The following DYSF variants were observed in gnomAD, a reference collection of about 807,000 sequenced individuals.
DYSF encodes the protein dysferlin, also known as dystrophy-associated fer-1-like 1.
DYSF carries 212 observed loss-of-function variants against 274.9 expected under a neutral mutation model. The observed-to-expected ratio is 0.77, with a 90% CI of 0.69 to 0.86. DYSF has a LOEUF of 0.86. Ranked by LOEUF, DYSF falls within the 40% of genes least tolerant of loss-of-function variation. DYSF has a pLI of 0.00. For synonymous variants in DYSF, 1,091 were observed against 1,078.7 expected (o/e 1.01, Z -0.22); for missense variants, 2,666 against 2,783.2 (o/e 0.96, Z 0.95).
chr2:71,510,407 G>C (rs1166300324), intron 4 of DYSF, among the ~76,000 whole-genome samples: 2 of 152,196 alleles, frequency 1.3e-5, no homozygotes, highest in African/African-American at 4.8e-5. Context: ...ACCTGGTGGT[G>C]ATTCAGGAAC....
At chr2:71,546,255 C>T (rs1173211909) in intron 17 of DYSF, among the ~76,000 whole-genome samples, 1 of 152,256 alleles carries the variant, frequency 6.6e-6, no homozygotes, top group Non-Finnish European at 1.5e-5. Context: ...GTTGTTTCTC[C>T]ACGTTGTGGG....
At chr2:71,665,799 A>G (rs773178700) in intron 47 of DYSF, among the ~76,000 whole-genome samples, 1 of 152,198 alleles carries the variant, frequency 6.6e-6, no homozygotes, top group Non-Finnish European at 1.5e-5. Context: ...CAGGCCTTGT[A>G]GTGCCCCCAG....
chr2:71,510,265 C>G (rs1011210729), intron 4 of DYSF, among the ~76,000 whole-genome samples: 1 of 152,196 alleles, frequency 6.6e-6, no homozygotes, highest in Non-Finnish European at 1.5e-5. Flanking sequence ...TGCAAATACC[C>G]AGGCCCACCC....
At chr2:71,456,137 T>G (rs1186787920) in intron 1 of DYSF, among the ~76,000 whole-genome samples, 1 of 151,844 alleles carries the variant, frequency 6.6e-6, no homozygotes, top group Non-Finnish European at 1.5e-5. Flanking sequence ...GCTTTTTGCC[T>G]GCTGCCTGGC....
chr2:71,563,864 T>TCACCGCCACTC (rs1427038270), intron 23 of DYSF, among the ~76,000 whole-genome samples, 194 bp from the exon 24 acceptor site: 2 of 152,180 alleles, frequency 1.3e-5, no homozygotes, highest in Non-Finnish European at 2.9e-5. Flanking sequence ...CTCTGGGGGC[T>TCACCGCCACTC]CACCGCCACT....
At chr2:71,466,598 C>A (rs2081548410), upstream of DYSF, 4 of 1,214,316 alleles carry the variant, frequency 3.3e-6, no homozygotes, top group Non-Finnish European at 4.1e-6. Context: ...TGTCCCTCCC[C>A]GCCCGCCGCG....
In DYSF at chr2:71,489,411, G is replaced by A. The variant is rs2083626802; in HGVS notation, c.239+7441G>A. ...GACTCTGCTTAGAAAAGAGAGAAGT[G>A]TTAATGGTAGGTGTCCAGCCACTGC... On this transcript the variant is annotated intron_variant, in intron 3 of 55. Coordinates refer to ENST00000410020, the MANE Select transcript of DYSF (RefSeq NM_001130987.2). 7.2e-5 allele frequency among the ~76,000 whole-genome samples: 11 copies of A among 152,362 alleles called. No homozygotes were observed. In the South Asian group the frequency reaches 2.3e-3, roughly 32 times the overall value.
chr2:71,480,941 A>T lies in DYSF; in HGVS notation c.147+3A>T. ...GCGTGAACCCTGTATGGAATGAGGTATGTGAGTTTTTCTCCTTCCTTTTCT... is the reference window on the plus strand; with the variant it reads ...GCGTGAACCCTGTATGGAATGAGGTTTGTGAGTTTTTCTCCTTCCTTTTCT... On this transcript the variant is annotated splice_donor_region_variant and intron_variant, in intron 2 of 55. Transcript: ENST00000410020. 6.2e-7 allele frequency: 1 copy of T among 1,613,926 alleles called. No homozygotes were observed.
chr2:71,565,086 CT>C (rs376948916), intron 24 of DYSF, among the ~76,000 whole-genome samples: 130 of 145,184 alleles, frequency 9.0e-4, no homozygotes, highest in Non-Finnish European at 9.9e-4. Flanking sequence ...TGCTCCTTAC[CT>C]TTTTTTTTTT....
intron 1 of DYSF, chr2:71,454,126 G>C (rs2080950874): frequency 1.9e-6 from 3 of 1,587,118 alleles, no homozygotes; most frequent in Non-Finnish European, 1.7e-6. Flanking sequence ...GTCGGGGTGG[G>C]GTAGAGGAGG....
intron 31 of DYSF, 49 bp downstream of exon 31, chr2:71,589,735 T>C: frequency 6.7e-7 from 1 of 1,500,746 alleles, no homozygotes; most frequent in Non-Finnish European, 9.3e-7. Context: ...TGTGTCACCT[T>C]ATGCTTCTGT....
chr2:71,484,279 C>T (rs2083190748), intron 3 of DYSF, among the ~76,000 whole-genome samples: 2 of 152,026 alleles, frequency 1.3e-5, no homozygotes, highest in Admixed American at 1.3e-4. Flanking sequence ...TCTTGAACTC[C>T]TGACCTCAGG....
chr2:71,619,792 A>G (rs956863381), intron 40 of DYSF, among the ~76,000 whole-genome samples: 1 of 152,064 alleles, frequency 6.6e-6, no homozygotes. Flanking sequence ...CCAGAGCCCC[A>G]TCCCCTTATC....
At chr2:71,508,621 G>A (rs1452793425) in intron 4 of DYSF, among the ~76,000 whole-genome samples, 1 of 152,208 alleles carries the variant, frequency 6.6e-6, no homozygotes, top group Non-Finnish European at 1.5e-5. Context: ...TTGGGTGTGA[G>A]TGTAACACTG....
chr2:71,592,740 C>G (rs1222270058), intron 32 of DYSF, among the ~76,000 whole-genome samples: 1 of 152,236 alleles, frequency 6.6e-6, no homozygotes, highest in Non-Finnish European at 1.5e-5. Flanking sequence ...ACCTGTGGCT[C>G]TCTGGGCCTT....
chr2:71,607,393 G>T (rs932097419), intron 36 of DYSF, among the ~76,000 whole-genome samples: 2 of 152,162 alleles, frequency 1.3e-5, no homozygotes, highest in African/African-American at 4.8e-5. Context: ...TGAGAGACAT[G>T]CCCAGAGAAG....
chr2:71,600,955 C>T (rs1216564728), intron 34 of DYSF, 113 bp downstream of exon 34: 1 of 1,440,442 alleles, frequency 6.9e-7, no homozygotes, highest in African/African-American at 1.4e-5. Flanking sequence ...TGCTGAGACC[C>T]ATTTTCTGAA....
At chr2:71,540,587 C>T (rs1374886024) in intron 17 of DYSF, among the ~76,000 whole-genome samples, 3 of 151,704 alleles carry the variant, frequency 2.0e-5, no homozygotes, top group Non-Finnish European at 2.9e-5. Context: ...AATAGTATTT[C>T]ATTGTTGCCT....
At chr2:71,665,426 CTCT>C in intron 47 of DYSF, 122 bp downstream of exon 47, 1 of 1,277,330 alleles carries the variant, frequency 7.8e-7, no homozygotes, top group Non-Finnish European at 1.1e-6. Context: ...GGCTGTGGGT[CTCT>C]CCAGGGCAGC....
Sources: gnomAD v4.1 joint callset for allele counts (sites outside exome capture counted in the v4.1 genomes callset) on GRCh38, gnomAD v4.1.1 for gene constraint, MANE v1.5 for transcripts, NCBI Gene and HGNC (gene_info 2026-07-23, HGNC 2026-07-21) for gene names.